Variants in FBXW7 observed in about 807,000 individuals in gnomAD.
FBXW7 encodes the protein F-box/WD repeat-containing protein 7.
FBXW7 carries 11 observed loss-of-function variants against 86.3 expected under a neutral mutation model. The observed-to-expected ratio is 0.13, with a 90% CI of 0.08 to 0.21. The LOEUF (loss-of-function observed/expected upper bound fraction) is 0.21. Ranked by LOEUF, FBXW7 falls within the 10% of genes least tolerant of loss-of-function variation. The pLI is 1.00. For synonymous variants in FBXW7, 313 were observed against 297.9 expected, an observed-to-expected ratio of 1.05 and a Z score of -0.52; for missense variants, 488 against 847.4, an observed-to-expected ratio of 0.58 and a Z score of 5.27.
intron 2 of FBXW7, among the ~76,000 whole-genome samples, chr4:152,434,041 T>G (rs1200527052): frequency 6.6e-6 from 1 of 152,130 alleles, no homozygotes; most frequent in Non-Finnish European, 1.5e-5. Flanking sequence ...TCAAAAGTAT[T>G]CTCCACATTA....
At chr4:152,465,634 A>G (rs1425434898) in intron 2 of FBXW7, among the ~76,000 whole-genome samples, 1 of 152,132 alleles carries the variant, frequency 6.6e-6, no homozygotes, top group Non-Finnish European at 1.5e-5. Context: ...ACCTGAGGTC[A>G]GGAGTTAGAG....
chr4:152,464,672 T>C (rs547925061), intron 2 of FBXW7, among the ~76,000 whole-genome samples: 1 of 152,068 alleles, frequency 6.6e-6, no homozygotes, highest in Non-Finnish European at 1.5e-5. Flanking sequence ...GCAGAAGAAA[T>C]GAACAGTTGT....
chr4:152,458,682 G>A (rs1034750388), intron 2 of FBXW7, among the ~76,000 whole-genome samples: 1 of 152,182 alleles, frequency 6.6e-6, no homozygotes, highest in African/African-American at 2.4e-5. Flanking sequence ...ACCTTTCAGA[G>A]AATCAAACAG....
chr4:152,338,522 A>T (rs2126590838), intron 6 of FBXW7, among the ~76,000 whole-genome samples: 1 of 152,214 alleles, frequency 6.6e-6, no homozygotes, highest in South Asian at 2.1e-4. Context: ...ACAATAGAAA[A>T]TAGTAGCTGA....
At chr4:152,446,365 C>A (rs910664595) in intron 2 of FBXW7, among the ~76,000 whole-genome samples, 1 of 126,990 alleles carries the variant, frequency 7.9e-6, no homozygotes, top group African/African-American at 3.0e-5. Flanking sequence ...ACATCACCTA[C>A]AACTTGATTC....
In FBXW7 at chr4:152,506,516, A is replaced by G. The variant is rs575181271; in HGVS notation, c.-120+28425T>C. Reference sequence around the variant, plus strand: ...AAACACATGAGTAAGGTACAGCACTAAGACTTCATGACAGCTATGATATCA... The same window carrying G: ...AAACACATGAGTAAGGTACAGCACTGAGACTTCATGACAGCTATGATATCA... On this transcript the variant is annotated intron_variant, in intron 2 of 13. Coordinates refer to ENST00000281708, the MANE Select transcript of FBXW7 (RefSeq NM_001349798.2). Among the ~76,000 whole-genome samples, 107 of 152,342 alleles carry G rather than the reference A, an allele frequency of 7.0e-4. 1 individual carries two copies. The highest frequency in any genetic ancestry group is 1.3e-3 in the Non-Finnish European group (89 of 68,026).
chr4:152,421,481 T>A (rs754399056), intron 2 of FBXW7, among the ~76,000 whole-genome samples: 1 of 152,108 alleles, frequency 6.6e-6, no homozygotes, highest in Non-Finnish European at 1.5e-5. Context: ...GAGGACTGCT[T>A]GAGGTCAGGA....
intron 2 of FBXW7, among the ~76,000 whole-genome samples, chr4:152,434,754 T>C (rs1328661861): frequency 6.6e-6 from 1 of 152,132 alleles, no homozygotes; most frequent in Non-Finnish European, 1.5e-5. Context: ...TACAGACATA[T>C]GAGAGCATAC....
chr4:152,374,185 A>C (rs1317079250), intron 4 of FBXW7, among the ~76,000 whole-genome samples: 1 of 151,884 alleles, frequency 6.6e-6, no homozygotes, highest in African/African-American at 2.4e-5. Context: ...CCCCACCACA[A>C]AACAGGTACC....
At chr4:152,386,866 T>C (rs1273345283) in intron 4 of FBXW7, among the ~76,000 whole-genome samples, 1 of 152,150 alleles carries the variant, frequency 6.6e-6, no homozygotes, top group African/African-American at 2.4e-5. Flanking sequence ...TGTAATAAAA[T>C]ATCACCAATA....
At chr4:152,441,539 T>C (rs79114022) in intron 2 of FBXW7, among the ~76,000 whole-genome samples, 2,080 of 152,254 alleles carry the variant, frequency 0.014, 26 homozygotes, top group Middle Eastern at 0.037. Flanking sequence ...TTTAAAATAA[T>C]AAAATTCAGT....
intron 2 of FBXW7, among the ~76,000 whole-genome samples, chr4:152,441,842 A>G (rs1457802327): frequency 1.3e-5 from 2 of 152,252 alleles, no homozygotes; most frequent in African/African-American, 2.4e-5. Flanking sequence ...TAGAAGCAGA[A>G]TATGTTACAA....
chr4:152,496,026 A>G (rs1205875464), intron 2 of FBXW7, among the ~76,000 whole-genome samples: 1 of 152,014 alleles, frequency 6.6e-6, no homozygotes, highest in Non-Finnish European at 1.5e-5. Context: ...ATAATTTTAA[A>G]ATTGGTTGGG....
In FBXW7 at chr4:152,368,535, G is replaced by C. The variant is rs149871847; in HGVS notation, c.502-18411C>G. On this transcript the variant is annotated intron_variant, in intron 4 of 13. Transcript: ENST00000281708. Reference sequence around the variant, plus strand: ...TACTTTTGTTAAAATTTGTGAATCAGTTCTTTAAATGTTTTAAGTCTCAAT... The same window carrying C: ...TACTTTTGTTAAAATTTGTGAATCACTTCTTTAAATGTTTTAAGTCTCAAT... 2.8e-4 allele frequency among the ~76,000 whole-genome samples: 42 copies of C among 152,164 alleles called. No individual in the cohort carries two copies. The East Asian group carries it at 4.2e-3, about 15-fold the overall frequency.
intron 2 of FBXW7, among the ~76,000 whole-genome samples, chr4:152,495,392 G>C (rs1391374417): frequency 6.6e-6 from 1 of 151,960 alleles, no homozygotes; most frequent in African/African-American, 2.4e-5. Context: ...AGTGAGCTGA[G>C]ATCACCCCAC....
intron 2 of FBXW7, among the ~76,000 whole-genome samples, chr4:152,518,753 A>G (rs1311744219): frequency 3.3e-5 from 5 of 152,226 alleles, no homozygotes; most frequent in Non-Finnish European, 7.3e-5. Flanking sequence ...TTCACAAAAC[A>G]TTTTTAAAGG....
chr4:152,417,109 C>G (rs937425352), intron 2 of FBXW7, among the ~76,000 whole-genome samples: 1 of 152,092 alleles, frequency 6.6e-6, no homozygotes, highest in Non-Finnish European at 1.5e-5. Flanking sequence ...CGTTGAAAGT[C>G]AGGGTTCCAA....
At chr4:152,334,866 C>T (rs1729913366) in intron 7 of FBXW7, among the ~76,000 whole-genome samples, 1 of 152,114 alleles carries the variant, frequency 6.6e-6, no homozygotes, top group Admixed American at 6.5e-5. Flanking sequence ...TTACATCTAG[C>T]CAGTTCCATC....
chr4:152,475,594 C>A (rs1015888371), intron 2 of FBXW7, among the ~76,000 whole-genome samples: 1 of 152,038 alleles, frequency 6.6e-6, no homozygotes, highest in African/African-American at 2.4e-5. Context: ...GTAAAACAGC[C>A]TTTATTCAAA....
Sources: gnomAD v4.1 joint callset for allele counts (sites outside exome capture counted in the v4.1 genomes callset) on GRCh38, gnomAD v4.1.1 for gene constraint, MANE v1.5 for transcripts, NCBI Gene and HGNC (gene_info 2026-07-23, HGNC 2026-07-21) for gene names.